Variants in MED16 observed in about 807,000 individuals in gnomAD.
The protein encoded by MED16 is mediator of RNA polymerase II transcription subunit 16.
MED16 carries 81 observed loss-of-function variants against 84.4 expected under a neutral mutation model. That is an observed-to-expected ratio of 0.96 (90% CI 0.80 to 1.15). MED16 has a LOEUF of 1.15. Among genes scored for constraint, MED16 ranks in the 50% most tolerant of loss-of-function variants. The probability of loss-of-function intolerance (pLI) is 0.00; values close to 1 mark genes in which losing one functional copy is unlikely to be tolerated. For missense variants in MED16, 1,585 were observed against 1,245.9 expected, an observed-to-expected ratio of 1.27 and a Z score of -4.10; for synonymous variants, 897 against 552.2, an observed-to-expected ratio of 1.62 and a Z score of -8.76.
At chr19:889,542 A>AG in intron 4 of MED16, 96 bp downstream of exon 4, 16 of 1,461,706 alleles carry the variant, frequency 1.1e-5, no homozygotes, top group Non-Finnish European at 1.4e-5. Flanking sequence ...CCAAAAAACC[A>AG]GGGGATGCTG....
intron 10 of MED16, among the ~76,000 whole-genome samples, chr19:874,632 C>A (rs2036185625): frequency 6.6e-6 from 1 of 152,192 alleles, no homozygotes; most frequent in African/African-American, 2.4e-5. Context: ...TCTCAGCCCC[C>A]AGGAGTAGAG....
intron 10 of MED16, among the ~76,000 whole-genome samples, chr19:873,960 C>T (rs561082433): frequency 3.9e-5 from 6 of 152,258 alleles, no homozygotes; most frequent in East Asian, 3.9e-4. Context: ...CAGCCACCCC[C>T]GGCTGGCAGC....
chr19:889,559 G>T, intron 4 of MED16, 79 bp downstream of exon 4: 2 of 1,510,998 alleles, frequency 1.3e-6, no homozygotes, highest in Non-Finnish European at 1.8e-6. Flanking sequence ...GCTGGTGATG[G>T]AGAGGAGAGG....
chr19:873,214 GAC>G (rs1248470496), intron 11 of MED16, among the ~76,000 whole-genome samples: 1 of 144,040 alleles, frequency 6.9e-6, no homozygotes, highest in Non-Finnish European at 1.5e-5. Context: ...TTTAAGAAGA[GAC>G]AGACTCAGGA....
At chr19:890,516 G>A (rs2036611767) in intron 2 of MED16, 2 of 400,642 alleles carry the variant, frequency 5.0e-6, no homozygotes, top group African/African-American at 2.1e-5. Context: ...GCAGATAATA[G>A]GTGGCTTTTT....
chr19:878,562 A>G (rs1278375330), intron 8 of MED16, among the ~76,000 whole-genome samples: 49 of 17,174 alleles, frequency 2.9e-3, no homozygotes, highest in Non-Finnish European at 3.9e-3. Context: ...CACCAGCCCC[A>G]GCCCCAGCCC....
At chr19:870,883 G>A (rs1227959707) in intron 13 of MED16, among the ~76,000 whole-genome samples, 154 bp downstream of exon 13, 1 of 134,514 alleles carries the variant, frequency 7.4e-6, no homozygotes, top group African/African-American at 2.8e-5. Flanking sequence ...GATTCGGGGG[G>A]TCCCGGGCAG....
intron 6 of MED16, among the ~76,000 whole-genome samples, chr19:883,770 G>A (rs999159371): frequency 2.0e-5 from 3 of 152,102 alleles, no homozygotes; most frequent in South Asian, 2.1e-4. Flanking sequence ...GCAGCCACAC[G>A]GGGTGGCGCC....
intron 10 of MED16, among the ~76,000 whole-genome samples, 200 bp downstream of exon 10, chr19:875,044 A>G (rs2036196106): frequency 6.6e-6 from 1 of 152,120 alleles, no homozygotes; most frequent in Admixed American, 6.6e-5. Flanking sequence ...CGTGCCTGTA[A>G]TCCCAGCTAC....
rs956992739 is a variant in MED16, at chr19:890,046, C to G, written c.277+91G>C. The G allele has an allele frequency of 7.9e-5, 80 of 1,014,954 alleles. 1 individual carries two copies. In the Middle Eastern group the frequency reaches 1.2e-3, roughly 16 times the overall value. The allele number at this position is 1,014,954 out of a possible 1,614,324, so 62.9% of individuals were successfully genotyped here. ...TGCAGACCAGGGGCTCTAGACCCAGCGCCGGACTCCAGACTGACCGGAGAA... is the reference window on the plus strand; with the variant it reads ...TGCAGACCAGGGGCTCTAGACCCAGGGCCGGACTCCAGACTGACCGGAGAA... On this transcript the variant is annotated intron_variant, in intron 3 of 15. Transcript: ENST00000325464.
At position 871,070 on chromosome 19, in the gene MED16, C is replaced by A. The variant is rs1415598937; in HGVS notation, c.2282G>T (p.Ser761Ile). 6.5e-7 allele frequency: 1 copy of A among 1,546,634 alleles called. No individual in the cohort carries two copies. Among genetic ancestry groups the A allele is most frequent in the Non-Finnish European group, 8.7e-7 (1 of 1,144,738 alleles). ...QFGRAPTLPG[S>I]AATLQLDGLA... is the part of the protein sequence containing the mutation. ...GCCGTCGAGCTGCAGGGTGGCAGCA[C>A]TGCCAGGCAGCGTGGGCGCCCGGCC... The change falls in exon 13 of 16, where the codon AGT (serine) becomes ATT (isoleucine). Residue 761 changes from serine (S) to isoleucine (I), a missense_variant. By Grantham distance (142) the Ser-to-Ile change is moderately radical (BLOSUM62 -2). Coordinates refer to ENST00000325464, the MANE Select transcript of MED16 (RefSeq NM_005481.3).
chr19:885,629 T>C, intron 5 of MED16, 141 bp downstream of exon 5: 2 of 1,014,056 alleles, frequency 2.0e-6, no homozygotes, highest in Middle Eastern at 6.4e-4. Flanking sequence ...GGTTCTCCCC[T>C]GGAGCCCCCG....
In MED16 at chr19:877,545, C is replaced by T. The variant is rs1043893152; in HGVS notation, c.1354-365G>A. ...ACCCCACTGACCTCGCTCAACAAGA[C>T]GAACCCATCACACAGACAAGGCAGC... On this transcript the variant is annotated intron_variant, in intron 8 of 15. Coordinates refer to ENST00000325464, the MANE Select transcript of MED16 (RefSeq NM_005481.3). 4.0e-5 allele frequency among the ~76,000 whole-genome samples: 4 copies of T among 99,160 alleles called. No homozygotes were observed. In the South Asian group the frequency reaches 1.0e-3, roughly 26 times the overall value. The allele number at this position is 99,160 out of a possible 152,430, so 65.1% of individuals were successfully genotyped here.
chr19:890,126 C>T lies in MED16; in HGVS notation c.277+11G>A. 6.5e-7 allele frequency: 1 copy of T among 1,540,842 alleles called. No homozygotes were observed. The stretch of plus-strand genomic sequence containing the variant: ...GTCGCCACCCCTGGCCACGTGGGAC[C>T]AGCGCCTCACCTGACTGGTCCCACT... On this transcript the variant is annotated intron_variant, in intron 3 of 15. Coordinates refer to ENST00000325464, the MANE Select transcript of MED16 (RefSeq NM_005481.3).
In MED16 at chr19:871,082, G is replaced by A. The variant is rs1377223567; in HGVS notation, c.2270C>T (p.Thr757Met). ...CAGGGTGGCAGCACTGCCAGGCAGCGTGGGCGCCCGGCCAAACTGCAGACG... is the reference window on the plus strand; with the variant it reads ...CAGGGTGGCAGCACTGCCAGGCAGCATGGGCGCCCGGCCAAACTGCAGACG... ...PLRLQFGRAPTLPGSAATLQL... is the reference protein window; with the variant it reads ...PLRLQFGRAPMLPGSAATLQL... The change falls in exon 13 of 16, where the codon ACG (threonine) becomes ATG (methionine). Residue 757 changes from threonine (T) to methionine (M), a missense_variant. Transcript: ENST00000325464. 34 of 1,547,670 alleles carry A rather than the reference G, an allele frequency of 2.2e-5. No homozygotes were observed. The highest frequency in any genetic ancestry group is 5.5e-5 in the African/African-American group (4 of 72,976).
chr19:875,931 G>A (rs1338237177), intron 9 of MED16, among the ~76,000 whole-genome samples: 1 of 152,130 alleles, frequency 6.6e-6, no homozygotes, highest in Non-Finnish European at 1.5e-5. Flanking sequence ...GTGCAACGTA[G>A]GACACCCCAT....
At chr19:876,778 C>G (rs2036241694) in intron 9 of MED16, among the ~76,000 whole-genome samples, 196 bp downstream of exon 9, 2 of 152,138 alleles carry the variant, frequency 1.3e-5, no homozygotes, top group Admixed American at 1.3e-4. Context: ...CTCCTCCACC[C>G]TCCAAGGGAA....
chr19:870,979 G>C, intron 13 of MED16, 58 bp downstream of exon 13: 1 of 1,444,134 alleles, frequency 6.9e-7, no homozygotes, highest in Admixed American at 2.2e-5. Context: ...GGGGGTCCCG[G>C]GGCAGGACAC....
chr19:889,924 GCA>G, intron 3 of MED16, 117 bp from the exon 4 acceptor site: 1 of 1,279,574 alleles, frequency 7.8e-7, no homozygotes, highest in Non-Finnish European at 1.1e-6. Flanking sequence ...CCCAGGTAGG[GCA>G]CAGCAGGTGG....
Sources: gnomAD v4.1 joint callset for allele counts (sites outside exome capture counted in the v4.1 genomes callset) on GRCh38, gnomAD v4.1.1 for gene constraint, MANE v1.5 for transcripts, NCBI Gene and HGNC (gene_info 2026-07-23, HGNC 2026-07-21) for gene names.